The following SMYD3 variants were observed in gnomAD, a reference collection of about 807,000 sequenced individuals.
SMYD3 encodes the protein SET and MYND domain containing 3.
SMYD3 carries 36 observed loss-of-function variants against 57.7 expected under a neutral mutation model. The observed-to-expected ratio is 0.62, with a 90% CI of 0.48 to 0.82. The LOEUF (loss-of-function observed/expected upper bound fraction) is 0.82, where lower values mean the gene tolerates loss of function less well. SMYD3 is among the 40% of genes least tolerant of loss of function. SMYD3 has a pLI of 0.00. For missense variants in SMYD3, 515 were observed against 538.8 expected (o/e 0.96, Z 0.44); for synonymous variants, 211 against 195.0 (o/e 1.08, Z -0.68).
intron 5 of SMYD3, among the ~76,000 whole-genome samples, chr1:246,286,787 A>G (rs1340082938): frequency 1.3e-5 from 2 of 152,142 alleles, no homozygotes; most frequent in African/African-American, 4.8e-5. Flanking sequence ...TCAAGTGGAG[A>G]AATTTTCTCC....
At chr1:246,345,368 T>C (rs2065697023) in intron 2 of SMYD3, among the ~76,000 whole-genome samples, 1 of 152,342 alleles carries the variant, frequency 6.6e-6, no homozygotes, top group Non-Finnish European at 1.5e-5. Flanking sequence ...TGGCCATATA[T>C]GTGTAGGGCT....
chr1:245,994,709 C>G (rs2058888108), intron 5 of SMYD3, among the ~76,000 whole-genome samples: 1 of 152,038 alleles, frequency 6.6e-6, no homozygotes. Flanking sequence ...TTTAATTTAC[C>G]ACTCACTTCC....
chr1:246,161,538 C>T (rs139725687), intron 5 of SMYD3, among the ~76,000 whole-genome samples: 90 of 152,288 alleles, frequency 5.9e-4, no homozygotes, highest in South Asian at 1.7e-3. Flanking sequence ...CCCCAGCCCC[C>T]GTCTATGCCT....
chr1:246,487,758 G>A (rs1322584299), intron 1 of SMYD3, among the ~76,000 whole-genome samples: 16 of 149,542 alleles, frequency 1.1e-4, no homozygotes, highest in South Asian at 2.1e-4. Flanking sequence ...GCAATGACGC[G>A]ACCTCAGCTC....
chr1:245,983,765 C>G (rs889867660), intron 5 of SMYD3, among the ~76,000 whole-genome samples: 2 of 152,136 alleles, frequency 1.3e-5, no homozygotes, highest in African/African-American at 4.8e-5. Context: ...CTGAACACCT[C>G]AAGACTGAGT....
intron 5 of SMYD3, among the ~76,000 whole-genome samples, chr1:245,933,275 GA>G (rs1295099395): frequency 1.3e-5 from 2 of 151,972 alleles, no homozygotes; most frequent in Admixed American, 1.3e-4. Context: ...ATAACATTTA[GA>G]AAAAAATATT....
intron 5 of SMYD3, among the ~76,000 whole-genome samples, chr1:246,027,906 G>C (rs1481360190): frequency 1.3e-5 from 2 of 152,160 alleles, no homozygotes; most frequent in East Asian, 3.8e-4. Flanking sequence ...CACTATTCCA[G>C]ACACCATTAG....
intron 5 of SMYD3, among the ~76,000 whole-genome samples, chr1:246,088,241 T>TTC (rs1166805898): frequency 2.6e-5 from 4 of 151,234 alleles, no homozygotes; most frequent in Admixed American, 1.3e-4. Context: ...CTCTCTCTCT[T>TTC]TCTCTCTCTC....
intron 5 of SMYD3, among the ~76,000 whole-genome samples, chr1:246,283,867 T>C (rs957773804): frequency 6.6e-6 from 1 of 152,104 alleles, no homozygotes; most frequent in Non-Finnish European, 1.5e-5. Flanking sequence ...CAACTGTGAG[T>C]TACACACAAC....
chr1:246,045,844 C>T (rs1482960713), intron 5 of SMYD3, among the ~76,000 whole-genome samples: 3 of 152,176 alleles, frequency 2.0e-5, no homozygotes, highest in Non-Finnish European at 4.4e-5. Context: ...CAAAAGAAGA[C>T]ATTTATGCAG....
intron 10 of SMYD3, among the ~76,000 whole-genome samples, chr1:245,829,194 A>G (rs2049693726): frequency 6.6e-6 from 1 of 151,576 alleles, no homozygotes. Context: ...GTTTCAGAAC[A>G]CCTTATAACT....
chr1:246,385,015 A>T (rs944256621), intron 1 of SMYD3, among the ~76,000 whole-genome samples: 51 of 152,152 alleles, frequency 3.4e-4, no homozygotes, highest in African/African-American at 9.6e-4. Context: ...TCATACATTT[A>T]AAAAAAATGA....
chr1:246,166,633 A>G (rs1461001746), intron 5 of SMYD3, among the ~76,000 whole-genome samples: 1 of 152,164 alleles, frequency 6.6e-6, no homozygotes, highest in Non-Finnish European at 1.5e-5. Flanking sequence ...TTGTCCACAC[A>G]TGTAAAGTGC....
At chr1:246,493,329 G>GTA (rs1374427431) in intron 1 of SMYD3, among the ~76,000 whole-genome samples, 1 of 151,970 alleles carries the variant, frequency 6.6e-6, no homozygotes, top group African/African-American at 2.4e-5. Context: ...AAAAGAAAGA[G>GTA]GAGTAGGAGG....
At chr1:246,502,907 A>G (rs1005314408) in intron 1 of SMYD3, among the ~76,000 whole-genome samples, 14 of 152,186 alleles carry the variant, frequency 9.2e-5, no homozygotes, top group African/African-American at 3.4e-4. Flanking sequence ...CACCTCCTTC[A>G]CAGTGGTATG....
intron 1 of SMYD3, among the ~76,000 whole-genome samples, chr1:246,472,970 G>A (rs2067981057): frequency 6.9e-6 from 1 of 145,942 alleles, no homozygotes; most frequent in Non-Finnish European, 1.5e-5. Flanking sequence ...TGATTCTCCT[G>A]CTCAGCCTCC....
rs1165212789 is a variant in SMYD3, at chr1:246,400,982, C to T, written c.165-45888G>A. 2.0e-5 allele frequency among the ~76,000 whole-genome samples: 3 copies of T among 152,282 alleles called. No homozygotes were observed. The East Asian group carries it at 5.8e-4, about 29-fold the overall frequency. ...CATAAAATTCACAAAATCTGAAGCT[C>T]ATAAATCAAAAGAAACTGTTCATAC... On this transcript the variant is annotated intron_variant, in intron 1 of 11. Coordinates refer to ENST00000490107, the MANE Select transcript of SMYD3 (RefSeq NM_001167740.2).
At chr1:246,483,820 A>G (rs543568378) in intron 1 of SMYD3, 1 of 152,330 alleles carries the variant, frequency 6.6e-6, no homozygotes, top group African/African-American at 2.4e-5. Flanking sequence ...AAATCTAAAT[A>G]CAATCCAAGT....
At chr1:245,763,096 G>A (rs866823958) in intron 11 of SMYD3, among the ~76,000 whole-genome samples, 3 of 152,302 alleles carry the variant, frequency 2.0e-5, no homozygotes, top group South Asian at 2.1e-4. Flanking sequence ...CTCCCTGAGC[G>A]GGTGAAACTA....
Sources: allele counts gnomAD v4.1 joint callset (sites outside exome capture counted in the v4.1 genomes callset), GRCh38; gene constraint gnomAD v4.1.1; transcripts MANE v1.5; gene names NCBI Gene and HGNC (gene_info 2026-07-23, HGNC 2026-07-21).